The following ATP8A2 variants were observed in gnomAD, a reference collection of about 807,000 sequenced individuals.
ATP8A2 encodes ATPase phospholipid transporting 8A2.
ATP8A2 carries 100 observed loss-of-function variants against 165.6 expected under a neutral mutation model. The observed-to-expected ratio is 0.60, with a 90% CI of 0.51 to 0.71. ATP8A2 has a LOEUF of 0.71. ATP8A2 is among the 30% of genes least tolerant of loss of function. The pLI is 0.00. For synonymous variants in ATP8A2, 543 were observed against 548.8 expected, an observed-to-expected ratio of 0.99 and a Z score of 0.15; for missense variants, 1,227 against 1,479.5, an observed-to-expected ratio of 0.83 and a Z score of 2.80.
chr13:25,606,352 A>G (rs535628757), intron 24 of ATP8A2, among the ~76,000 whole-genome samples: 3 of 152,322 alleles, frequency 2.0e-5, no homozygotes, highest in South Asian at 4.1e-4. Context: ...TAAATTTTCC[A>G]ATCTTAATTG....
At chr13:25,383,314 A>G (rs1019285571) in intron 1 of ATP8A2, among the ~76,000 whole-genome samples, 1 of 152,030 alleles carries the variant, frequency 6.6e-6, no homozygotes, top group Non-Finnish European at 1.5e-5. Context: ...CATGTTGGCC[A>G]GGATGGTCTC....
At chr13:25,777,354 T>A (rs2044765653) in intron 27 of ATP8A2, among the ~76,000 whole-genome samples, 1 of 152,230 alleles carries the variant, frequency 6.6e-6, no homozygotes, top group African/African-American at 2.4e-5. Context: ...AATATAGTTT[T>A]AAAAATAGGA....
intron 27 of ATP8A2, among the ~76,000 whole-genome samples, chr13:25,826,991 C>T (rs919535799): frequency 6.6e-6 from 1 of 151,936 alleles, no homozygotes; most frequent in Non-Finnish European, 1.5e-5. Context: ...GGTTTCTGTC[C>T]TCCCGGTGGC....
chr13:25,714,910 T>C (rs1435433644), intron 25 of ATP8A2, among the ~76,000 whole-genome samples: 1 of 152,222 alleles, frequency 6.6e-6, no homozygotes, highest in African/African-American at 2.4e-5. Context: ...AGGAGCCTTA[T>C]GTATCCAAGT....
rs7338989 is a variant in ATP8A2 at position 25,593,290 on chromosome 13, T to C, written c.2211+3591T>C. ...AGAAGCATTTGGCCTGGCTTCTCTT[T>C]ATTTCATCTCTCATATAAGTGTGAG... On this transcript the variant is annotated intron_variant, in intron 24 of 36. Transcript: ENST00000381655. Among the ~76,000 whole-genome samples the C allele has an allele frequency of 9.0e-3, 1,371 of 152,298 alleles. 22 individuals are homozygous for C. Among genetic ancestry groups the C allele is most frequent in the African/African-American group, 0.031 (1,289 of 41,556 alleles).
chr13:25,883,095 C>T (rs942295620), intron 33 of ATP8A2, among the ~76,000 whole-genome samples: 1 of 152,136 alleles, frequency 6.6e-6, no homozygotes, highest in African/African-American at 2.4e-5. Context: ...TGCTCAAGAT[C>T]ACACAGCCAG....
Position 25,430,102 on chromosome 13 carries a change from G to A in ATP8A2, c.77-38875G>A, listed in dbSNP as rs547581503. Among the ~76,000 whole-genome samples, 18 of 152,252 alleles carry A rather than the reference G, an allele frequency of 1.2e-4. 1 individual carries two copies. The South Asian group carries it at 2.3e-3, about 19-fold the overall frequency. On this transcript the variant is annotated intron_variant, in intron 1 of 36. Transcript: ENST00000381655. ...CAGAAAGGTAAACAATTCCATTCCC[G>A]TTTTAGAGAGCTGGAGGAGCAGTCA...
intron 33 of ATP8A2, among the ~76,000 whole-genome samples, chr13:25,883,621 C>T (rs1390959075): frequency 6.6e-6 from 1 of 152,220 alleles, no homozygotes; most frequent in African/African-American, 2.4e-5. Flanking sequence ...TGTGGGATGA[C>T]TAGAGAGACA....
At chr13:25,909,821 G>T (rs187020010) in intron 33 of ATP8A2, among the ~76,000 whole-genome samples, 1 of 151,914 alleles carries the variant, frequency 6.6e-6, no homozygotes, top group South Asian at 2.1e-4. Flanking sequence ...CAACTCAGCC[G>T]GTTATATCCA....
chr13:25,702,697 T>C (rs1459385706), intron 25 of ATP8A2, among the ~76,000 whole-genome samples: 1 of 152,210 alleles, frequency 6.6e-6, no homozygotes, highest in Non-Finnish European at 1.5e-5. Context: ...CTCACATACA[T>C]CCCAATTCCT....
At chr13:25,387,367 T>A (rs1057011121) in intron 1 of ATP8A2, among the ~76,000 whole-genome samples, 1 of 152,166 alleles carries the variant, frequency 6.6e-6, no homozygotes, top group African/African-American at 2.4e-5. Context: ...CTTTTGTGGG[T>A]CACTTTGAGG....
At chr13:25,876,090 C>T (rs917489188) in intron 33 of ATP8A2, among the ~76,000 whole-genome samples, 25 of 152,110 alleles carry the variant, frequency 1.6e-4, no homozygotes, top group Admixed American at 1.4e-3. Flanking sequence ...AAAAATGTGA[C>T]GCATAGATAG....
chr13:25,948,297 G>C (rs964883314), intron 33 of ATP8A2, among the ~76,000 whole-genome samples: 7 of 151,998 alleles, frequency 4.6e-5, no homozygotes, highest in African/African-American at 1.7e-4. Context: ...TAGGATGTCT[G>C]AATAATTGTG....
At chr13:25,958,337 A>T (rs1955579329) in intron 33 of ATP8A2, among the ~76,000 whole-genome samples, 2 of 152,112 alleles carry the variant, frequency 1.3e-5, no homozygotes, top group African/African-American at 2.4e-5. Context: ...GTTTGTCACC[A>T]CATTCGTGGA....
chr13:25,425,843 T>C (rs2034436172), intron 1 of ATP8A2, among the ~76,000 whole-genome samples: 1 of 152,256 alleles, frequency 6.6e-6, no homozygotes, highest in Non-Finnish European at 1.5e-5. Context: ...CCCAGAGTGC[T>C]GGGATTACAG....
rs183062831 is a variant in ATP8A2 at position 25,417,773 on chromosome 13, T to G, written c.76+45485T>G. On this transcript the variant is annotated intron_variant, in intron 1 of 36. Coordinates refer to ENST00000381655, the MANE Select transcript of ATP8A2 (RefSeq NM_016529.6). ...TGGCTGTGCCTCTGTGCTTACACAG[T>G]GTCTGCCTCAGCAGGGATGTTCACC... Among the ~76,000 whole-genome samples the G allele has an allele frequency of 2.0e-3, 303 of 152,364 alleles. 3 individuals carry two copies. The highest frequency in any genetic ancestry group is 7.1e-3 in the African/African-American group (297 of 41,592).
At chr13:25,991,561 C>G (rs1956394141) in intron 35 of ATP8A2, among the ~76,000 whole-genome samples, 1 of 152,162 alleles carries the variant, frequency 6.6e-6, no homozygotes, top group South Asian at 2.1e-4. Flanking sequence ...ATGATTTTGT[C>G]GTTTCAAGAA....
Position 25,744,343 on chromosome 13 carries a change from G to A in ATP8A2, c.2385-24703G>A, listed in dbSNP as rs539811612. 2.5e-4 allele frequency among the ~76,000 whole-genome samples: 38 copies of A among 150,440 alleles called. 1 individual carries two copies. Among genetic ancestry groups the A allele is most frequent in the African/African-American group, 9.1e-4 (36 of 39,766 alleles). ...ACTCACCACCCCCCCGTGTGTATGT[G>A]CGCCCTTCTCTGTGAGCCGGTGGCT... On this transcript the variant is annotated intron_variant, in intron 25 of 36. Coordinates refer to ENST00000381655, the MANE Select transcript of ATP8A2 (RefSeq NM_016529.6).
intron 1 of ATP8A2, among the ~76,000 whole-genome samples, chr13:25,425,082 GT>G (rs2138118782): frequency 6.6e-6 from 1 of 152,244 alleles, no homozygotes; most frequent in Admixed American, 6.5e-5. Flanking sequence ...GCTACTAGTG[GT>G]TTTTAAAGAG....
Sources: gnomAD v4.1 joint callset for allele counts (sites outside exome capture counted in the v4.1 genomes callset) on GRCh38, gnomAD v4.1.1 for gene constraint, MANE v1.5 for transcripts, NCBI Gene and HGNC (gene_info 2026-07-23, HGNC 2026-07-21) for gene names.